The following PRKCB variants were observed in gnomAD, a reference collection of about 807,000 sequenced individuals.
PRKCB encodes protein kinase C beta.
PRKCB carries 13 observed loss-of-function variants against 81.5 expected under a neutral mutation model. That is an observed-to-expected ratio of 0.16 (90% CI 0.10 to 0.25). The LOEUF (loss-of-function observed/expected upper bound fraction) is 0.25. Among genes scored for constraint, PRKCB ranks in the 10% least tolerant of loss-of-function variants. The pLI is 1.00. For missense variants in PRKCB, 509 were observed against 875.7 expected, an observed-to-expected ratio of 0.58 and a Z score of 5.29; for synonymous variants, 335 against 321.4, an observed-to-expected ratio of 1.04 and a Z score of -0.45.
intron 5 of PRKCB, among the ~76,000 whole-genome samples, chr16:24,036,092 T>A (rs1965614495): frequency 6.6e-6 from 1 of 152,166 alleles, no homozygotes; most frequent in Non-Finnish European, 1.5e-5. Flanking sequence ...TTGAACCTGA[T>A]GGTGGCTATG....
chr16:23,882,944 A>G (rs1427548407), intron 2 of PRKCB, among the ~76,000 whole-genome samples: 3 of 152,110 alleles, frequency 2.0e-5, no homozygotes, highest in African/African-American at 7.2e-5. Flanking sequence ...TGCTGATGGT[A>G]GAAACTGTCT....
chr16:24,050,466 AACAC>A (rs3051483), intron 5 of PRKCB, among the ~76,000 whole-genome samples: 31,132 of 149,246 alleles, frequency 0.21, 3,918 homozygotes, highest in African/African-American at 0.37. Context: ...GGTTTTATGT[AACAC>A]ACACACACAC....
rs80338540 is a variant in PRKCB, at chr16:24,123,167, G to A, written c.919-668G>A. ...GAACCTAGTGCAGACAGAGAGAATC[G>A]ATGAGGGCTTCCCTGAGCCATGAAA... is the stretch of plus-strand genomic sequence containing the variant. On this transcript the variant is annotated intron_variant, in intron 8 of 16. Coordinates refer to ENST00000643927, the MANE Select transcript of PRKCB (RefSeq NM_002738.7). 6.6e-3 allele frequency among the ~76,000 whole-genome samples: 1,006 copies of A among 152,290 alleles called. 7 individuals are homozygous for A. Among genetic ancestry groups the A allele is most frequent in the African/African-American group, 0.023 (961 of 41,562 alleles).
At chr16:24,030,039 A>C (rs1965531940) in intron 3 of PRKCB, among the ~76,000 whole-genome samples, 1 of 152,170 alleles carries the variant, frequency 6.6e-6, no homozygotes, top group Non-Finnish European at 1.5e-5. Flanking sequence ...AGCTGGGACT[A>C]CAGGCATATG....
chr16:24,089,546 A>T (rs1966350058), intron 5 of PRKCB, among the ~76,000 whole-genome samples: 1 of 152,180 alleles, frequency 6.6e-6, no homozygotes, highest in Non-Finnish European at 1.5e-5. Context: ...AGGCTAGAGG[A>T]TCATTTGCAT....
At chr16:24,073,549 A>G (rs1332719048) in intron 5 of PRKCB, among the ~76,000 whole-genome samples, 1 of 152,060 alleles carries the variant, frequency 6.6e-6, no homozygotes, top group East Asian at 1.9e-4. Flanking sequence ...TGCCCAGGCT[A>G]ATCTCAAATT....
chr16:23,848,010 G>A (rs560517642), intron 2 of PRKCB, among the ~76,000 whole-genome samples: 3 of 152,330 alleles, frequency 2.0e-5, no homozygotes, highest in Admixed American at 1.3e-4. Flanking sequence ...TTCCCGGATT[G>A]ACAAGGGGAT....
chr16:23,987,409 G>GC (rs1425052662), intron 2 of PRKCB, among the ~76,000 whole-genome samples: 6 of 131,928 alleles, frequency 4.5e-5, no homozygotes, highest in Non-Finnish European at 9.8e-5. Context: ...GGTGGGGGGG[G>GC]GTGTGTTTGC....
At chr16:24,175,373 A>G (rs557957274) in intron 12 of PRKCB, among the ~76,000 whole-genome samples, 1 of 151,912 alleles carries the variant, frequency 6.6e-6, no homozygotes, top group South Asian at 2.1e-4. Context: ...ATCAAATCCT[A>G]CTATATTCTA....
chr16:23,874,430 A>G (rs62031692), intron 2 of PRKCB, among the ~76,000 whole-genome samples: 4,558 of 152,312 alleles, frequency 0.03, 107 homozygotes, highest in South Asian at 0.065. Context: ...TAGATGTGTG[A>G]AACGTCCTAG....
chr16:23,942,280 A>G (rs1346200366), intron 2 of PRKCB, among the ~76,000 whole-genome samples: 1 of 152,270 alleles, frequency 6.6e-6, no homozygotes. Context: ...GTGTGTCTAA[A>G]GGAAAGTGGT....
At chr16:24,010,275 A>T (rs915819384) in intron 3 of PRKCB, among the ~76,000 whole-genome samples, 7 of 152,218 alleles carry the variant, frequency 4.6e-5, no homozygotes, top group African/African-American at 1.7e-4. Context: ...TGTTTAAAGG[A>T]TGAAGGTCTA....
chr16:23,922,219 T>A (rs1030700251), intron 2 of PRKCB, among the ~76,000 whole-genome samples: 1 of 152,176 alleles, frequency 6.6e-6, no homozygotes, highest in Admixed American at 6.5e-5. Context: ...GCAGGAGACC[T>A]AAATGAGTGA....
chr16:23,891,464 T>G (rs1335296016), intron 2 of PRKCB, among the ~76,000 whole-genome samples: 1 of 152,152 alleles, frequency 6.6e-6, no homozygotes, highest in Non-Finnish European at 1.5e-5. Context: ...GTTCAATTTT[T>G]CCTGTTGAGA....
chr16:23,991,471 A>G (rs1467802847), intron 3 of PRKCB, among the ~76,000 whole-genome samples: 1 of 152,202 alleles, frequency 6.6e-6, no homozygotes, highest in Non-Finnish European at 1.5e-5. Context: ...CTGAGTGTTC[A>G]TGCAGACTGA....
At position 23,998,974 on chromosome 16, in the gene PRKCB, T is replaced by A. The variant is rs76772764; in HGVS notation, c.288+10384T>A. 2.6e-5 allele frequency among the ~76,000 whole-genome samples: 4 copies of A among 152,344 alleles called. No individual in the cohort carries two copies. The East Asian group carries it at 7.7e-4, about 29-fold the overall frequency. ...CTCCCTGCAGCCAGCATGCATAGGA[T>A]TTGGCAGCCTACCTGAAATGATTCT... On this transcript the variant is annotated intron_variant, in intron 3 of 16. Coordinates refer to ENST00000643927, the MANE Select transcript of PRKCB (RefSeq NM_002738.7).
chr16:23,980,297 A>G (rs1467109596), intron 2 of PRKCB, among the ~76,000 whole-genome samples: 2 of 152,156 alleles, frequency 1.3e-5, no homozygotes, highest in East Asian at 3.9e-4. Flanking sequence ...GCCTGGGGGA[A>G]CCCCACTTCA....
intron 9 of PRKCB, among the ~76,000 whole-genome samples, chr16:24,131,581 C>T (rs7203376): frequency 3.4e-4 from 52 of 152,362 alleles, no homozygotes; most frequent in African/African-American, 1.2e-3. Flanking sequence ...CTTGCCATTA[C>T]ATGCCTCCTT....
At chr16:24,168,646 G>T in intron 10 of PRKCB, among the ~76,000 whole-genome samples, 1 of 143,562 alleles carries the variant, frequency 7.0e-6, no homozygotes, top group Non-Finnish European at 1.5e-5. Flanking sequence ...GAACTCCTGG[G>T]CTCAAGCGAT....
Sources: gnomAD v4.1 joint callset for allele counts (sites outside exome capture counted in the v4.1 genomes callset) on GRCh38, gnomAD v4.1.1 for gene constraint, MANE v1.5 for transcripts, NCBI Gene and HGNC (gene_info 2026-07-23, HGNC 2026-07-21) for gene names.